TRIO: variants seen among roughly 807,000 people sequenced by gnomAD.
The protein encoded by TRIO is trio Rho guanine nucleotide exchange factor.
In TRIO, 58 loss-of-function variants were observed where a neutral mutation model predicts 351.9. That is an observed-to-expected ratio of 0.16 (90% confidence interval 0.13 to 0.21). TRIO has a LOEUF of 0.21. Among genes scored for constraint, TRIO ranks in the 10% least tolerant of loss-of-function variants. The pLI is 1.00. For missense variants in TRIO, 3,201 were observed against 4,027.8 expected (o/e 0.79, Z 5.56); for synonymous variants, 1,758 against 1,595.7 (o/e 1.10, Z -2.42).
rs1486879519 is a variant in TRIO, at chr5:14,378,116, A to G, written c.3436A>G (p.Ser1146Gly). ...QCQQYVVFER[S>G]AKQALEWIHD... ...TCAGCAGTACGTGGTCTTTGAGAGG[A>G]GTGCCAAGCAGGTCAGTGCACACCT... Residue 1146 changes from serine to glycine, a missense_variant, in exon 20 of 57, where the codon AGT (serine) becomes GGT (glycine). Ser to Gly is a moderately conservative substitution (Grantham distance 56). This residue lies in a region of TRIO where 201 missense variants were observed against 266.5 expected (regional missense o/e 0.75). Coordinates refer to ENST00000344204, the MANE Select transcript of TRIO (RefSeq NM_007118.4). The G allele has an allele frequency of 6.2e-7, 1 of 1,610,872 alleles. No homozygotes were observed. The highest frequency in any genetic ancestry group is 8.5e-7 in the Non-Finnish European group (1 of 1,178,660).
chr5:14,425,914 A>G (rs906114929), intron 34 of TRIO, among the ~76,000 whole-genome samples: 3 of 152,252 alleles, frequency 2.0e-5, no homozygotes, highest in African/African-American at 7.2e-5. Flanking sequence ...ATCCAGTTTA[A>G]GGTATTTTAT....
chr5:14,243,212 G>A (rs1459108686), intron 1 of TRIO, among the ~76,000 whole-genome samples: 1 of 151,960 alleles, frequency 6.6e-6, no homozygotes, highest in Non-Finnish European at 1.5e-5. Flanking sequence ...TTTTGGGTGT[G>A]TCCATGTCCT....
chr5:14,222,156 TA>T (rs1456962043), intron 1 of TRIO, among the ~76,000 whole-genome samples: 1 of 151,108 alleles, frequency 6.6e-6, no homozygotes, highest in East Asian at 1.9e-4. Flanking sequence ...TTTTTTTTTT[TA>T]GCAATAAAGT....
At chr5:14,347,523 C>T (rs1468048982) in intron 11 of TRIO, among the ~76,000 whole-genome samples, 3 of 152,266 alleles carry the variant, frequency 2.0e-5, no homozygotes, top group Non-Finnish European at 4.4e-5. Context: ...TATGTGACAT[C>T]TGGAGAGACT....
Position 14,487,505 on chromosome 5 carries a change from GGCGGCGGCGGCGGCGGCAGCGGGGGCA to G in TRIO, c.6885_6911del (p.Ser2302_Gly2310del). Reference sequence around the variant, plus strand: ...CGAGTACCAGAGGAACCACAGCGGGGGCGGCGGCGGCGGCGGCAGCGGGGGCAGCGGCGGGGGTGGGGGCAGCGGCGG... The same window carrying G: ...CGAGTACCAGAGGAACCACAGCGGGGGCGGCGGGGGTGGGGGCAGCGGCGG... On this transcript the variant is annotated inframe_deletion, in exon 48 of 57. Transcript: ENST00000344204. The G allele has an allele frequency of 9.4e-7, 1 of 1,064,822 alleles. No homozygotes were observed. Among genetic ancestry groups the G allele is most frequent in the Non-Finnish European group, 1.2e-6 (1 of 866,748 alleles). The allele number at this position is 1,064,822 out of a possible 1,614,324, so 66.0% of individuals were successfully genotyped here.
intron 11 of TRIO, among the ~76,000 whole-genome samples, chr5:14,357,183 T>TA (rs1743689917): frequency 6.6e-6 from 1 of 152,220 alleles, no homozygotes; most frequent in Non-Finnish European, 1.5e-5. Context: ...AGTTTTGACT[T>TA]ATGAGTCTTG....
intron 1 of TRIO, among the ~76,000 whole-genome samples, chr5:14,246,711 TCTGGGGGCTAGGGACA>T (rs1276518887): frequency 1.3e-5 from 2 of 152,154 alleles, no homozygotes; most frequent in African/African-American, 4.8e-5. Flanking sequence ...GGCTTCTCCA[TCTGGGGGCTAGGGACA>T]AGGAAGAAGG....
At chr5:14,257,861 A>G (rs1478148825) in intron 1 of TRIO, among the ~76,000 whole-genome samples, 1 of 152,142 alleles carries the variant, frequency 6.6e-6, no homozygotes, top group Non-Finnish European at 1.5e-5. Flanking sequence ...CCCAAAATTC[A>G]GTTATTTAAA....
At chr5:14,153,727 G>A (rs917584547) in intron 1 of TRIO, among the ~76,000 whole-genome samples, 1 of 152,208 alleles carries the variant, frequency 6.6e-6, no homozygotes, top group African/African-American at 2.4e-5. Flanking sequence ...TTAAGCCCAG[G>A]GCTGGCAGAT....
In TRIO at chr5:14,509,063, A is replaced by AC; in HGVS notation, c.*644dup. The AC allele has an allele frequency of 8.1e-6, 1 of 124,098 alleles. No individual in the cohort carries two copies. Among genetic ancestry groups the AC allele is most frequent in the South Asian group, 1.3e-4 (1 of 7,492 alleles). 7.7% of individuals were successfully genotyped at this position (124,098 alleles called of 1,614,324 possible). A position where few individuals can be genotyped will look rare whatever the true frequency, so the allele number is the denominator to read the frequency against. ...TGTCATTTTCCCACCTGCCTCCCCT[A>AC]CCCACCCCCCACCCACCACCTGGGG... On this transcript the variant is annotated 3_prime_UTR_variant, in exon 57 of 57. Transcript: ENST00000344204.
chr5:14,234,042 C>T (rs955931545), intron 1 of TRIO, among the ~76,000 whole-genome samples: 7 of 152,188 alleles, frequency 4.6e-5, no homozygotes, highest in African/African-American at 1.7e-4. Flanking sequence ...GTGATCCTCT[C>T]ACTCAGGCCT....
chr5:14,163,039 G>A (rs1788564386), intron 1 of TRIO, among the ~76,000 whole-genome samples: 2 of 152,096 alleles, frequency 1.3e-5, no homozygotes, highest in South Asian at 2.1e-4. Context: ...GGATACATGT[G>A]CAGAACGTGC....
chr5:14,492,666 G>T lies in TRIO; in HGVS notation c.7732G>T (p.Val2578Phe). Residue 2578 changes from valine (V) to phenylalanine (F), a missense_variant, in exon 49 of 57, where the codon GTT becomes TTT. This residue lies in a region of TRIO where 1,089 missense variants were observed against 954.9 expected (regional missense o/e 1.14). Transcript: ENST00000344204. ...DEINVYQGEVVQILASNQQNM... is the reference protein window; with the variant it reads ...DEINVYQGEVFQILASNQQNM... ...GATCAACGTCTACCAAGGAGAGGTC[G>T]TTCAAATTCTGGCCAGCAACCAGCA... 6.2e-7 allele frequency: 1 copy of T among 1,614,172 alleles called. No individual in the cohort carries two copies. Among genetic ancestry groups the T allele is most frequent in the Non-Finnish European group, 8.5e-7 (1 of 1,180,034 alleles).
chr5:14,393,639 G>A (rs1747308144), intron 27 of TRIO, among the ~76,000 whole-genome samples: 1 of 152,176 alleles, frequency 6.6e-6, no homozygotes, highest in Non-Finnish European at 1.5e-5. Context: ...AGTGTAAAGT[G>A]GTGAGTAGCA....
Position 14,143,758 on chromosome 5 carries a change from C to A in TRIO, c.33C>A (p.Pro11=), listed in dbSNP as rs1013676539. ...GCAGCAGCGGCGGAGCCGCCGCCCC[C>A]GCCGCGTCCTCCGGCCCCGCCGCGG... The part of the protein sequence containing the change: MSGSSGGAAA[P]AASSGPAAAA... Residue 11 remains proline (P), a synonymous_variant, in exon 1 of 57, where the codon CCC becomes CCA. Transcript: ENST00000344204. The A allele has an allele frequency of 8.1e-6, 8 of 992,700 alleles. No individual in the cohort carries two copies. The highest frequency in any genetic ancestry group is 9.6e-6 in the Non-Finnish European group (8 of 836,486). 61.5% of individuals were successfully genotyped at this position (992,700 alleles called of 1,614,324 possible).
chr5:14,472,608 C>A lies in TRIO; in HGVS notation c.5929C>A (p.Leu1977Ile). The part of the protein sequence containing the change: ...LKRRHYVLQE[L>I]VETERDYVRD... ...TCTCTCCAGCTACGTTTTGCAAGAA[C>A]TAGTGGAGACAGAGCGTGACTATGT... The change falls in exon 39 of 57, where the codon CTA becomes ATA. Residue 1977 changes from leucine (L) to isoleucine (I), a missense_variant. Around this residue, in one of 19 missense-constraint regions of TRIO, gnomAD observed 307 missense variants for 396.5 expected, o/e 0.77. Transcript: ENST00000344204. The A allele has an allele frequency of 6.2e-7, 1 of 1,614,052 alleles. No individual in the cohort carries two copies. Among genetic ancestry groups the A allele is most frequent in the Non-Finnish European group, 8.5e-7 (1 of 1,179,950 alleles).
chr5:14,436,097 T>C (rs1434070899), intron 34 of TRIO, among the ~76,000 whole-genome samples: 1 of 152,184 alleles, frequency 6.6e-6, no homozygotes, highest in Non-Finnish European at 1.5e-5. Context: ...CCGTCTCTTC[T>C]TGTATTCATC....
Position 14,395,940 on chromosome 5 carries a change from G to A in TRIO, c.4312-1103G>A, listed in dbSNP as rs1008780905. 2.7e-4 allele frequency among the ~76,000 whole-genome samples: 41 copies of A among 151,590 alleles called. 1 individual carries two copies. Among genetic ancestry groups the A allele is most frequent in the Admixed American group, 6.6e-5 (1 of 15,224 alleles). On this transcript the variant is annotated intron_variant, in intron 28 of 56. Transcript: ENST00000344204. ...GGGCGCCTGTAGTCCCAGCTGCTCC[G>A]GAGGCTGAGGCAGGAGAATGGCATG...
At position 14,286,028 on chromosome 5, in the gene TRIO, T is replaced by C. The variant is rs990923377; in HGVS notation, c.348-843T>C. On this transcript the variant is annotated intron_variant, in intron 3 of 56. Transcript: ENST00000344204. The surrounding 1 kb of genome is among the most constrained non-coding windows in gnomAD (Gnocchi z 4.4). The stretch of plus-strand genomic sequence containing the variant: ...TTGTTGCTCATTCTTTATTGCAGAT[T>C]TGCATTGTATGTGTTTCCCATGTAG... 6.6e-6 allele frequency among the ~76,000 whole-genome samples: 1 copy of C among 152,228 alleles called. No homozygotes were observed. The highest frequency in any genetic ancestry group is 1.5e-5 in the Non-Finnish European group (1 of 68,036).
Sources: allele counts gnomAD v4.1 joint callset (sites outside exome capture counted in the v4.1 genomes callset), GRCh38; gene constraint gnomAD v4.1.1; regional missense constraint gnomAD v4.1.1; non-coding constraint Gnocchi (gnomAD v3.1); transcripts MANE v1.5; gene names NCBI Gene and HGNC (gene_info 2026-07-23, HGNC 2026-07-21).